Variants in ANO4 observed in about 807,000 individuals in gnomAD.
ANO4 encodes the protein anoctamin-4.
A neutral mutation model predicts 141.9 loss-of-function variants in ANO4; 69 were observed. The ratio of observed to expected loss-of-function variants is 0.49; its 90% CI spans 0.40 to 0.59. The LOEUF (loss-of-function observed/expected upper bound fraction) is 0.59. Ranked by LOEUF, ANO4 falls within the 20% of genes least tolerant of loss-of-function variation. The pLI, the probability that ANO4 is intolerant of heterozygous loss-of-function variation, is 0.00. For synonymous variants in ANO4, 350 were observed against 394.3 expected, an observed-to-expected ratio of 0.89 and a Z score of 1.33; for missense variants, 894 against 1,162.2, an observed-to-expected ratio of 0.77 and a Z score of 3.36.
chr12:100,915,285 C>G (rs1376068886), intron 2 of ANO4, among the ~76,000 whole-genome samples: 1 of 152,118 alleles, frequency 6.6e-6, no homozygotes, highest in Non-Finnish European at 1.5e-5. Context: ...ATATGTAGCT[C>G]AAGTTTTGAA....
intron 3 of ANO4, among the ~76,000 whole-genome samples, chr12:100,782,020 TC>T (rs1299254256): frequency 6.6e-6 from 1 of 152,214 alleles, no homozygotes; most frequent in Non-Finnish European, 1.5e-5. Context: ...TTTCATCACT[TC>T]CTTTGTGGAC....
rs143850862 is a variant in ANO4, at chr12:100,747,237, C to A, written c.358+7132C>A. Among the ~76,000 whole-genome samples the A allele has an allele frequency of 1.6e-4, 25 of 152,236 alleles. No homozygotes were observed. In the East Asian group the frequency reaches 4.6e-3, roughly 28 times the overall value. ...GTACCCTAATCATTGATAATGGGTT[C>A]ATGGGTTTTAATGCATTTGATCCTA... On this transcript the variant is annotated intron_variant, in intron 3 of 29. Transcript: ENST00000644049.
intron 3 of ANO4, among the ~76,000 whole-genome samples, chr12:100,755,780 G>C (rs2032581910): frequency 6.6e-6 from 1 of 152,138 alleles, no homozygotes; most frequent in Non-Finnish European, 1.5e-5. Flanking sequence ...GCTTTCACCT[G>C]TTTTCAAGTT....
rs1268475418 is a variant in ANO4 at position 100,867,597 on chromosome 12, CTG to C, written c.-140-34047_-140-34046del. On this transcript the variant is annotated intron_variant, in intron 1 of 27. Coordinates refer to ENST00000392977, the MANE Select transcript of ANO4 (RefSeq NM_001286615.2). ...AGTCTCATCCAGAAAAACTCTCTCT[CTG>C]TCTCTCTCTCTCTCACACACACACA... 4.4e-3 allele frequency among the ~76,000 whole-genome samples: 483 copies of C among 111,024 alleles called. 3 individuals are homozygous for C. Among genetic ancestry groups the C allele is most frequent in the African/African-American group, 0.016 (470 of 30,128 alleles). 72.8% of individuals were successfully genotyped at this position (111,024 alleles called of 152,430 possible).
At chr12:100,870,896 T>C (rs1466846436) in intron 1 of ANO4, among the ~76,000 whole-genome samples, 2 of 152,182 alleles carry the variant, frequency 1.3e-5, no homozygotes, top group Non-Finnish European at 2.9e-5. Flanking sequence ...ACAGTGATAT[T>C]TTTTCAGGTA....
chr12:100,733,272 G>A (rs1293774292), intron 1 of ANO4, among the ~76,000 whole-genome samples: 2 of 152,134 alleles, frequency 1.3e-5, no homozygotes, highest in Non-Finnish European at 2.9e-5. Flanking sequence ...GAAGCTGCCT[G>A]TGGCCTCTCA....
Position 100,760,751 on chromosome 12 carries a change from G to A in ANO4, c.358+20646G>A, listed in dbSNP as rs186120779. On this transcript the variant is annotated intron_variant, in intron 3 of 29. Transcript: ENST00000644049. The stretch of plus-strand genomic sequence containing the variant: ...GCTCCTCTTCTGTTCTGCAGGCTTG[G>A]AGGAAGATTTCTATACATCGTCATG... 2.6e-5 allele frequency among the ~76,000 whole-genome samples: 4 copies of A among 152,276 alleles called. No individual in the cohort carries two copies. In the East Asian group the frequency reaches 7.8e-4, roughly 30 times the overall value.
At chr12:101,079,821 C>A (rs1284948685) in intron 15 of ANO4, among the ~76,000 whole-genome samples, 1 of 125,076 alleles carries the variant, frequency 8.0e-6, no homozygotes, top group East Asian at 2.2e-4. Context: ...CCAAGGAGGG[C>A]CAGACTCAGC....
intron 1 of ANO4, among the ~76,000 whole-genome samples, chr12:100,895,450 GAGAA>G (rs1369788177): frequency 6.6e-6 from 1 of 151,848 alleles, no homozygotes; most frequent in Non-Finnish European, 1.5e-5. Flanking sequence ...GTGGGCCAGA[GAGAA>G]AGAACACCTA....
chr12:100,999,882 T>TAA (rs76908168), intron 8 of ANO4, among the ~76,000 whole-genome samples: 30 of 129,780 alleles, frequency 2.3e-4, no homozygotes, highest in Admixed American at 3.1e-4. Flanking sequence ...CCCTCTCTAC[T>TAA]AAAAAAAAAA....
rs188996921 is a variant in ANO4 at position 101,109,281 on chromosome 12, G to T, written c.2150-1123G>T. ...ATCACTTGGTTAAAATTATGTTTTC[G>T]GCTGGGCACGGTGACTCACACTTGT... On this transcript the variant is annotated intron_variant, in intron 22 of 27. Transcript: ENST00000392977. Among the ~76,000 whole-genome samples, 4 of 151,994 alleles carry T rather than the reference G, an allele frequency of 2.6e-5. No homozygotes were observed. The East Asian group carries it at 7.7e-4, about 29-fold the overall frequency.
chr12:100,773,746 A>C (rs542200157), intron 3 of ANO4, among the ~76,000 whole-genome samples: 1 of 152,358 alleles, frequency 6.6e-6, no homozygotes, highest in East Asian at 1.9e-4. Context: ...ACATATATGC[A>C]GACAAGTGCA....
chr12:101,097,144 A>G (rs986993630), intron 19 of ANO4, among the ~76,000 whole-genome samples: 4 of 152,130 alleles, frequency 2.6e-5, no homozygotes, highest in Admixed American at 2.6e-4. Context: ...GTAATGTCGC[A>G]TGAATTCCCT....
rs575888015 is a variant in ANO4, at chr12:101,043,695, T to C, written c.1251+60T>C. 3 of 1,230,286 alleles carry C rather than the reference T, an allele frequency of 2.4e-6. No homozygotes were observed. In the East Asian group the frequency reaches 7.0e-5, roughly 29 times the overall value. The allele number at this position is 1,230,286 out of a possible 1,614,324, so 76.2% of individuals were successfully genotyped here. A position where few individuals can be genotyped will look rare whatever the true frequency, so the allele number is the denominator to read the frequency against. ...ATTTAACATACACCTTCCTGAGGGA[T>C]GGTGGGTAACTCTATTCTGTCATTT... On this transcript the variant is annotated intron_variant, in intron 13 of 27. Coordinates refer to ENST00000392977, the MANE Select transcript of ANO4 (RefSeq NM_001286615.2).
chr12:100,844,570 A>T (rs2037459339), intron 1 of ANO4, among the ~76,000 whole-genome samples: 1 of 151,800 alleles, frequency 6.6e-6, no homozygotes, highest in Non-Finnish European at 1.5e-5. Flanking sequence ...AGTGACAGGA[A>T]CTCCCAACAG....
chr12:100,858,925 G>C (rs927083570), intron 1 of ANO4: 2 of 152,100 alleles, frequency 1.3e-5, no homozygotes, highest in Admixed American at 1.3e-4. Flanking sequence ...GAAGTGCCAC[G>C]TACTAGGTTT....
intron 1 of ANO4, among the ~76,000 whole-genome samples, chr12:100,720,088 G>A (rs1469259858): frequency 3.3e-5 from 5 of 152,032 alleles, no homozygotes; most frequent in African/African-American, 7.3e-5. Flanking sequence ...ATAACCATGC[G>A]CATGAGACTA....
At chr12:100,725,718 C>T (rs1379010691) in intron 1 of ANO4, among the ~76,000 whole-genome samples, 4 of 152,148 alleles carry the variant, frequency 2.6e-5, no homozygotes, top group Admixed American at 1.3e-4. Context: ...AGTTTATAAA[C>T]AATAATCAAG....
intron 2 of ANO4, among the ~76,000 whole-genome samples, chr12:100,736,481 C>T (rs1025368897): frequency 1.3e-5 from 2 of 152,136 alleles, no homozygotes; most frequent in African/African-American, 4.8e-5. Flanking sequence ...GGTCATTGGG[C>T]TCCTATTGGA....
Sources: allele counts gnomAD v4.1 joint callset (sites outside exome capture counted in the v4.1 genomes callset), GRCh38; gene constraint gnomAD v4.1.1; transcripts MANE v1.5; gene names NCBI Gene and HGNC (gene_info 2026-07-23, HGNC 2026-07-21).